Variants in CHSY3 observed in about 807,000 individuals in gnomAD.
CHSY3 encodes chondroitin sulfate synthase 3.
A neutral mutation model predicts 67.2 loss-of-function variants in CHSY3; 35 were observed. That is an observed-to-expected ratio of 0.52 (90% CI 0.40 to 0.69). The LOEUF (loss-of-function observed/expected upper bound fraction) is 0.69. Among genes scored for constraint, CHSY3 ranks in the 30% least tolerant of loss-of-function variants. CHSY3 has a pLI of 0.00. For synonymous variants in CHSY3, 474 were observed against 434.7 expected, an observed-to-expected ratio of 1.09 and a Z score of -1.12; for missense variants, 1,069 against 1,138.5, an observed-to-expected ratio of 0.94 and a Z score of 0.88.
In CHSY3 at chr5:130,132,854, T is replaced by C. The variant is rs576125374; in HGVS notation, c.1087-51375T>C. ...TTCACACACACACAACAAATAATTT[T>C]CCACCCCAAACATCAATAGTACCAA... is the stretch of plus-strand genomic sequence containing the variant. On this transcript the variant is annotated intron_variant, in intron 2 of 2. Transcript: ENST00000305031. 4.6e-5 allele frequency among the ~76,000 whole-genome samples: 7 copies of C among 152,254 alleles called. No homozygotes were observed. The East Asian group carries it at 1.4e-3, about 29-fold the overall frequency.
At chr5:129,923,516 T>A (rs1760990696) in intron 2 of CHSY3, among the ~76,000 whole-genome samples, 1 of 152,060 alleles carries the variant, frequency 6.6e-6, no homozygotes, top group African/African-American at 2.4e-5. Context: ...TATTTTATAA[T>A]GGGAAAGACA....
intron 2 of CHSY3, among the ~76,000 whole-genome samples, chr5:130,153,830 T>G (rs1769297258): frequency 6.6e-6 from 1 of 152,202 alleles, no homozygotes. Flanking sequence ...TTTTTTTGTT[T>G]GTTTTATTTT....
chr5:129,982,346 G>GT (rs1194724402), intron 2 of CHSY3, among the ~76,000 whole-genome samples: 1 of 151,636 alleles, frequency 6.6e-6, no homozygotes, highest in Non-Finnish European at 1.5e-5. Flanking sequence ...GGTTGCCTTG[G>GT]TTTTCCTTAT....
chr5:130,030,454 T>C (rs1764674380), intron 2 of CHSY3, among the ~76,000 whole-genome samples: 1 of 152,142 alleles, frequency 6.6e-6, no homozygotes, highest in Admixed American at 6.6e-5. Flanking sequence ...TAAAACTGTA[T>C]TTTGAGGTTA....
At chr5:130,070,254 A>G (rs547769526) in intron 2 of CHSY3, among the ~76,000 whole-genome samples, 1 of 152,236 alleles carries the variant, frequency 6.6e-6, no homozygotes, top group East Asian at 1.9e-4. Flanking sequence ...TTTCATTTGG[A>G]TTACTGTTAT....
Position 130,123,314 on chromosome 5 carries a change from G to T in CHSY3, c.1087-60915G>T, listed in dbSNP as rs1006152491. Among the ~76,000 whole-genome samples the T allele has an allele frequency of 4.6e-5, 7 of 152,198 alleles. No homozygotes were observed. The Middle Eastern group carries it at 0.024, about 518-fold the overall frequency. On this transcript the variant is annotated intron_variant, in intron 2 of 2. Coordinates refer to ENST00000305031, the MANE Select transcript of CHSY3 (RefSeq NM_175856.5). Reference sequence around the variant, plus strand: ...ATTTTTCAAATAAGCCTGTTAGAATGGCAGTCACCAACCTTTTTGGCACCA... The same window carrying T: ...ATTTTTCAAATAAGCCTGTTAGAATTGCAGTCACCAACCTTTTTGGCACCA...
chr5:130,042,333 TA>T (rs1765029341), intron 2 of CHSY3, among the ~76,000 whole-genome samples: 1 of 152,132 alleles, frequency 6.6e-6, no homozygotes, highest in Non-Finnish European at 1.5e-5. Flanking sequence ...AGCTCACTAA[TA>T]TGCATTTTCC....
chr5:130,097,263 C>A (rs1767080709), intron 2 of CHSY3, among the ~76,000 whole-genome samples: 1 of 152,242 alleles, frequency 6.6e-6, no homozygotes, highest in South Asian at 2.1e-4. Context: ...CGAAACCAGG[C>A]ATTAGATACA....
At chr5:130,140,120 C>A in intron 2 of CHSY3, 1 of 217,874 alleles carries the variant, frequency 4.6e-6, no homozygotes, top group South Asian at 7.5e-5. Flanking sequence ...AGATAATTGC[C>A]AATGATCAGG....
At chr5:129,920,319 T>A (rs1333152827) in intron 2 of CHSY3, among the ~76,000 whole-genome samples, 1 of 152,184 alleles carries the variant, frequency 6.6e-6, no homozygotes, top group Non-Finnish European at 1.5e-5. Context: ...GATCTTGGCT[T>A]ACTGCAACCT....
At chr5:130,126,987 C>T (rs1233843309) in intron 2 of CHSY3, among the ~76,000 whole-genome samples, 1 of 152,118 alleles carries the variant, frequency 6.6e-6, no homozygotes, top group Non-Finnish European at 1.5e-5. Flanking sequence ...TTTGGCTTTG[C>T]ACCAAGTGAA....
At chr5:130,086,758 A>G (rs1334949130) in intron 2 of CHSY3, among the ~76,000 whole-genome samples, 2 of 152,110 alleles carry the variant, frequency 1.3e-5, no homozygotes, top group Non-Finnish European at 2.9e-5. Flanking sequence ...CCAGGACCAC[A>G]TGGATTCACA....
In CHSY3 at chr5:129,973,934, T is replaced by C. The variant is rs564147503; in HGVS notation, c.1086+65574T>C. Among the ~76,000 whole-genome samples the C allele has an allele frequency of 2.4e-4, 36 of 152,248 alleles. No individual in the cohort carries two copies. In the South Asian group the frequency reaches 4.3e-3, roughly 18 times the overall value. ...GTTTTCTCCTAGAATGACATGCTAT[T>C]ACACAACCTCATGATTTTTCATAAG... On this transcript the variant is annotated intron_variant, in intron 2 of 2. Coordinates refer to ENST00000305031, the MANE Select transcript of CHSY3 (RefSeq NM_175856.5).
Position 129,904,695 on chromosome 5 carries a change from C to A in CHSY3, c.-135C>A. The A allele has an allele frequency of 8.3e-7, 1 of 1,205,846 alleles. No individual in the cohort carries two copies. The highest frequency in any genetic ancestry group is 1.0e-6 in the Non-Finnish European group (1 of 968,814). 74.7% of individuals were successfully genotyped at this position (1,205,846 alleles called of 1,614,324 possible). A position where few individuals can be genotyped will look rare whatever the true frequency, so the allele number is the denominator to read the frequency against. On this transcript the variant is annotated 5_prime_UTR_variant, in exon 1 of 3. Transcript: ENST00000305031. The stretch of plus-strand genomic sequence containing the variant: ...GCGTCCGCGGCGCTTCGACCTCCAG[C>A]CGGTGTCGGCGCCTAGGCGGCCGGC...
chr5:130,144,442 C>T (rs1172045240), intron 2 of CHSY3, among the ~76,000 whole-genome samples: 2 of 151,914 alleles, frequency 1.3e-5, no homozygotes, highest in East Asian at 1.9e-4. Context: ...TAGGAATAAA[C>T]TTAACCAACA....
intron 2 of CHSY3, among the ~76,000 whole-genome samples, chr5:130,101,320 G>A (rs1268965848): frequency 6.6e-6 from 1 of 151,890 alleles, no homozygotes; most frequent in Non-Finnish European, 1.5e-5. Flanking sequence ...ATAGCATAAC[G>A]CAAATTTCTC....
At chr5:129,918,967 C>A (rs1316534919) in intron 2 of CHSY3, among the ~76,000 whole-genome samples, 1 of 148,294 alleles carries the variant, frequency 6.7e-6, no homozygotes, top group Non-Finnish European at 1.5e-5. Context: ...ATTAGCCGGG[C>A]GCGGTGGCGG....
intron 2 of CHSY3, among the ~76,000 whole-genome samples, chr5:129,991,414 T>C (rs998715384): frequency 6.6e-6 from 1 of 152,208 alleles, no homozygotes; most frequent in African/African-American, 2.4e-5. Flanking sequence ...CTCTCTTTTA[T>C]ACTAATTTAT....
intron 2 of CHSY3, among the ~76,000 whole-genome samples, chr5:130,150,538 A>G (rs569114651): frequency 1.3e-5 from 2 of 152,316 alleles, no homozygotes; most frequent in African/African-American, 4.8e-5. Context: ...ACCAACCAGT[A>G]TTAATTAATA....
Sources: gnomAD v4.1 joint callset for allele counts (sites outside exome capture counted in the v4.1 genomes callset) on GRCh38, gnomAD v4.1.1 for gene constraint, MANE v1.5 for transcripts, NCBI Gene and HGNC (gene_info 2026-07-23, HGNC 2026-07-21) for gene names.